Variants in TANC2 observed in about 807,000 individuals in gnomAD.
TANC2 encodes protein TANC2.
In TANC2, 26 loss-of-function variants were observed where a neutral mutation model predicts 210.5. The observed-to-expected ratio is 0.12, with a 90% CI of 0.09 to 0.17. The LOEUF (loss-of-function observed/expected upper bound fraction) is 0.17, where lower values mean the gene tolerates loss of function less well. TANC2 is among the 10% of genes least tolerant of loss of function. TANC2 has a pLI of 1.00. For synonymous variants in TANC2, 931 were observed against 967.1 expected, an observed-to-expected ratio of 0.96 and a Z score of 0.69; for missense variants, 2,129 against 2,608.9, an observed-to-expected ratio of 0.82 and a Z score of 4.01.
At chr17:63,211,802 A>G (rs1278753227) in intron 7 of TANC2, among the ~76,000 whole-genome samples, 1 of 152,218 alleles carries the variant, frequency 6.6e-6, no homozygotes, top group Non-Finnish European at 1.5e-5. Context: ...GATGCTCAAT[A>G]AATGTATAAA....
chr17:63,340,260 C>T (rs767165738), exon 12 of TANC2: 1 of 1,613,910 alleles, frequency 6.2e-7, no homozygotes, highest in East Asian at 2.2e-5. Flanking sequence ...GCTGAGCCTT[C>T]GTTCCTGTGT....
chr17:63,169,354 C>T (rs574561822), intron 5 of TANC2, among the ~76,000 whole-genome samples: 2 of 152,062 alleles, frequency 1.3e-5, no homozygotes, highest in Middle Eastern at 3.2e-3. Context: ...ATAAATGAAG[C>T]TAGGATGATG....
intron 7 of TANC2, among the ~76,000 whole-genome samples, chr17:63,210,629 C>T (rs2041857730): frequency 6.6e-6 from 1 of 152,052 alleles, no homozygotes. Context: ...AATAACTAAA[C>T]ATTTTGAGTA....
intron 2 of TANC2, among the ~76,000 whole-genome samples, chr17:63,028,730 T>C (rs1331065244): frequency 6.6e-6 from 1 of 152,154 alleles, no homozygotes; most frequent in Admixed American, 6.6e-5. Context: ...AAATAATCCT[T>C]ATGCCAAAGT....
At chr17:63,226,869 T>C (rs890759521) in intron 7 of TANC2, among the ~76,000 whole-genome samples, 18 of 152,192 alleles carry the variant, frequency 1.2e-4, no homozygotes, top group Admixed American at 9.8e-4. Context: ...TTTCTATTCC[T>C]GTGTTAGTTT....
chr17:63,273,239 G>A (rs2043769402), intron 9 of TANC2, among the ~76,000 whole-genome samples: 1 of 152,100 alleles, frequency 6.6e-6, no homozygotes, highest in African/African-American at 2.4e-5. Flanking sequence ...TGAGCCATGA[G>A]CCATTATTGC....
chr17:63,323,674 A>G (rs1324851412), intron 11 of TANC2, among the ~76,000 whole-genome samples: 2 of 152,212 alleles, frequency 1.3e-5, no homozygotes, highest in East Asian at 1.9e-4. Context: ...TATATTTGCT[A>G]TATCATTTCT....
chr17:63,147,581 C>G (rs2039506465), intron 4 of TANC2, among the ~76,000 whole-genome samples: 1 of 152,174 alleles, frequency 6.6e-6, no homozygotes, highest in Non-Finnish European at 1.5e-5. Context: ...CCCCCACCTT[C>G]CAGAGTGTCT....
intron 8 of TANC2, among the ~76,000 whole-genome samples, chr17:63,252,393 A>G (rs1353173032): frequency 1.2e-4 from 18 of 152,000 alleles, no homozygotes; most frequent in Admixed American, 1.2e-3. Flanking sequence ...TCTTTTAGTT[A>G]TTTTTAAATG....
rs1186086975 is a variant in TANC2, at chr17:63,283,127, A to T, written c.1159+15254A>T. On this transcript the variant is annotated intron_variant, in intron 9 of 27. Coordinates refer to ENST00000689528, the Ensembl canonical transcript of TANC2. ...GATTTTGAGTAAATTTTTGTATATG[A>T]TGCAAGATATGTGTCAACATTCTTT... is the stretch of plus-strand genomic sequence containing the variant. Among the ~76,000 whole-genome samples, 3 of 151,948 alleles carry T rather than the reference A, an allele frequency of 2.0e-5. No homozygotes were observed. In the East Asian group the frequency reaches 5.8e-4, roughly 29 times the overall value.
chr17:63,042,677 T>A (rs1363166242), intron 2 of TANC2, among the ~76,000 whole-genome samples: 3 of 152,130 alleles, frequency 2.0e-5, no homozygotes, highest in Non-Finnish European at 4.4e-5. Flanking sequence ...AAAACTCTTG[T>A]TAGTATTTAT....
At chr17:63,108,471 A>T (rs568859800) in intron 4 of TANC2, among the ~76,000 whole-genome samples, 4 of 151,878 alleles carry the variant, frequency 2.6e-5, no homozygotes, top group East Asian at 1.9e-4. Context: ...AAAACATAAG[A>T]TTTCTTATAC....
At chr17:63,299,104 A>T (rs1167730858) in intron 9 of TANC2, among the ~76,000 whole-genome samples, 1 of 152,096 alleles carries the variant, frequency 6.6e-6, no homozygotes, top group Non-Finnish European at 1.5e-5. Flanking sequence ...ACATGATCTC[A>T]TTCTTTTTTA....
intron 9 of TANC2, among the ~76,000 whole-genome samples, chr17:63,304,169 G>A (rs1478346848): frequency 6.6e-6 from 1 of 152,022 alleles, no homozygotes; most frequent in Non-Finnish European, 1.5e-5. Context: ...GAGGCACTCT[G>A]GCCTTTTGAG....
intron 19 of TANC2, 112 bp downstream of exon 19, chr17:63,399,026 T>G: frequency 1.4e-6 from 1 of 697,824 alleles, no homozygotes; most frequent in Non-Finnish European, 2.4e-6. Flanking sequence ...GTCTCAGGCT[T>G]TTGTAATGCA....
At chr17:63,129,483 A>G (rs961270239) in intron 4 of TANC2, among the ~76,000 whole-genome samples, 2 of 152,194 alleles carry the variant, frequency 1.3e-5, no homozygotes, top group African/African-American at 4.8e-5. Flanking sequence ...TCAAGTGCTT[A>G]GCAATGTGCT....
intron 12 of TANC2, among the ~76,000 whole-genome samples, chr17:63,340,665 G>A (rs1255134577): frequency 6.6e-6 from 1 of 152,066 alleles, no homozygotes; most frequent in African/African-American, 2.4e-5. Flanking sequence ...GTGTTGTGAA[G>A]TTTCTATGGT....
At chr17:63,426,558 G>A (rs976578578) in exon 28 of TANC2, 1 of 152,258 alleles carries the variant, frequency 6.6e-6, no homozygotes. Context: ...ACCCTGAGAT[G>A]CTTGTGGCCA....
chr17:63,143,919 G>A (rs1162513949), intron 4 of TANC2, among the ~76,000 whole-genome samples: 1 of 152,122 alleles, frequency 6.6e-6, no homozygotes. Flanking sequence ...TTGGGAGGCT[G>A]AGGCAGGAGG....
Sources: gnomAD v4.1 joint callset for allele counts (sites outside exome capture counted in the v4.1 genomes callset) on GRCh38, gnomAD v4.1.1 for gene constraint, MANE v1.5 for transcripts, NCBI Gene and HGNC (gene_info 2026-07-23, HGNC 2026-07-21) for gene names.